The following TIAM1 variants were observed in gnomAD, a reference collection of about 807,000 sequenced individuals.
TIAM1 encodes TIAM Rac1 associated GEF 1, also known as rho guanine nucleotide exchange factor TIAM1.
In TIAM1, 65 loss-of-function variants were observed where a neutral mutation model predicts 163.5. The observed-to-expected ratio is 0.40, with a 90% CI of 0.33 to 0.49. The LOEUF is 0.49. Ranked by LOEUF, TIAM1 falls within the 20% of genes least tolerant of loss-of-function variation. The pLI, the probability that TIAM1 is intolerant of heterozygous loss-of-function variation, is 0.77. For synonymous variants in TIAM1, 833 were observed against 810.1 expected (o/e 1.03, Z -0.48); for missense variants, 1,789 against 2,044.7 (o/e 0.87, Z 2.41).
In TIAM1 at chr21:31,219,024, CTTTTT is replaced by C. The variant is rs35555743; in HGVS notation, c.1996-1330_1996-1326del. ...TGCCAGCAACCCAGAGAAGCATTTC[CTTTTT>C]TTTTTTTTTTTTTTTTTTTTTTGAC... On this transcript the variant is annotated intron_variant, in intron 8 of 27. Coordinates refer to ENST00000541036, the MANE Select transcript of TIAM1 (RefSeq NM_001353694.2). 4.7e-3 allele frequency among the ~76,000 whole-genome samples: 417 copies of C among 88,478 alleles called. 1 individual carries two copies. Among genetic ancestry groups the C allele is most frequent in the African/African-American group, 0.015 (399 of 26,040 alleles). 58.0% of individuals were successfully genotyped at this position (88,478 alleles called of 152,430 possible). A position where few individuals can be genotyped will look rare whatever the true frequency, so the allele number is the denominator to read the frequency against.
At chr21:31,230,282 T>C (rs761130357) in intron 6 of TIAM1, among the ~76,000 whole-genome samples, 2 of 151,898 alleles carry the variant, frequency 1.3e-5, no homozygotes, top group Admixed American at 6.6e-5. Flanking sequence ...AGAATTTAAA[T>C]AAAAATATTT....
Position 31,127,120 on chromosome 21 carries a change from G to A in TIAM1, c.4078C>T (p.His1360Tyr), listed in dbSNP as rs751049597. 4 of 1,613,916 alleles carry A rather than the reference G, an allele frequency of 2.5e-6. No individual in the cohort carries two copies. The African/African-American group carries it at 5.3e-5, about 22-fold the overall frequency. ...AEANAVCEIV[H>Y]VKSESEGRPE... The stretch of plus-strand genomic sequence containing the variant: ...CTCCCTTCAGACTCGGATTTTACAT[G>A]GACAATTTCACACACGGCATTTGCC... The change falls in exon 26 of 28, where the codon CAT becomes TAT. Residue 1360 changes from histidine to tyrosine, a missense_variant. Coordinates refer to ENST00000541036, the MANE Select transcript of TIAM1 (RefSeq NM_001353694.2).
At chr21:31,551,641 G>A (rs1218280963) in intron 1 of TIAM1, among the ~76,000 whole-genome samples, 1 of 152,164 alleles carries the variant, frequency 6.6e-6, no homozygotes, top group Non-Finnish European at 1.5e-5. Context: ...TACTCCAAAG[G>A]CTGAGGCAGG....
chr21:31,364,505 A>G (rs754752475), intron 2 of TIAM1, among the ~76,000 whole-genome samples: 15 of 152,194 alleles, frequency 9.9e-5, no homozygotes, highest in Non-Finnish European at 1.6e-4. Context: ...GGAGAAGGTT[A>G]TATTTGAGCA....
chr21:31,232,056 C>A (rs1045241020), intron 6 of TIAM1, among the ~76,000 whole-genome samples: 1 of 151,744 alleles, frequency 6.6e-6, no homozygotes, highest in African/African-American at 2.4e-5. Flanking sequence ...GATAGTTGCA[C>A]AACAGGGTAA....
rs1162841987 is a variant in TIAM1, at chr21:31,512,965, T to C, written c.-422+45962A>G. ...AGCCAAAGACAGTCTTTTCTAACCA[T>C]AGGGAAAACTATAATGTTCTAAAAT... is the stretch of plus-strand genomic sequence containing the variant. On this transcript the variant is annotated intron_variant, in intron 1 of 28. Coordinates refer to the TIAM1 transcript ENST00000286827. Among the ~76,000 whole-genome samples the C allele has an allele frequency of 3.9e-5, 6 of 152,100 alleles. No homozygotes were observed. In the South Asian group the frequency reaches 6.2e-4, roughly 16 times the overall value.
At chr21:31,130,119 A>G in intron 25 of TIAM1, 94 bp downstream of exon 25, 2 of 925,408 alleles carry the variant, frequency 2.2e-6, no homozygotes, top group South Asian at 1.8e-5. Flanking sequence ...AAAAGACGGT[A>G]GAAGAGTTAG....
At chr21:31,446,129 C>T (rs1244094704) in intron 2 of TIAM1, among the ~76,000 whole-genome samples, 1 of 151,888 alleles carries the variant, frequency 6.6e-6, no homozygotes, top group African/African-American at 2.4e-5. Flanking sequence ...GGGGTAGAGG[C>T]AGGGTTTCAC....
intron 4 of TIAM1, among the ~76,000 whole-genome samples, chr21:31,260,276 C>T (rs796277202): frequency 4.6e-4 from 69 of 148,948 alleles, no homozygotes; most frequent in African/African-American, 1.6e-3. Flanking sequence ...CTCACTCTGT[C>T]GCCCAGGCTG....
At chr21:31,143,177 T>C (rs980642279) in intron 20 of TIAM1, among the ~76,000 whole-genome samples, 1 of 152,144 alleles carries the variant, frequency 6.6e-6, no homozygotes, top group Non-Finnish European at 1.5e-5. Flanking sequence ...TGGCTATTCC[T>C]GAGCAGCATC....
At chr21:31,376,428 C>T (rs534929944) in intron 2 of TIAM1, among the ~76,000 whole-genome samples, 13 of 152,286 alleles carry the variant, frequency 8.5e-5, no homozygotes, top group Admixed American at 3.3e-4. Flanking sequence ...TTTCATGTTT[C>T]CACAGGGAAA....
chr21:31,155,043 CA>C (rs1410590763), intron 16 of TIAM1, among the ~76,000 whole-genome samples: 1 of 152,158 alleles, frequency 6.6e-6, no homozygotes, highest in Non-Finnish European at 1.5e-5. Context: ...TCTCCAAAGG[CA>C]AAAAGATACC....
intron 6 of TIAM1, among the ~76,000 whole-genome samples, chr21:31,242,793 GA>G (rs1318270145): frequency 1.3e-4 from 17 of 129,638 alleles, no homozygotes; most frequent in South Asian, 1.2e-3. Context: ...ACCTGTCTCA[GA>G]AAAGTCAGAT....
intron 1 of TIAM1, among the ~76,000 whole-genome samples, chr21:31,465,317 TC>T (rs933615343): frequency 6.6e-6 from 1 of 152,012 alleles, no homozygotes; most frequent in African/African-American, 2.4e-5. Context: ...AGTCTTGAAC[TC>T]CAAAGCTCAA....
At position 31,120,414 on chromosome 21, in the gene TIAM1, C is replaced by T; in HGVS notation, c.4730G>A (p.Arg1577Lys). The T allele has an allele frequency of 1.9e-6, 3 of 1,613,984 alleles. No individual in the cohort carries two copies. The highest frequency in any genetic ancestry group is 1.3e-5 in the African/African-American group (1 of 75,058). ...ESASEEVIWV[R>K]REDFAPSRKL... ...CCTGGAGGGGGCAAAGTCTTCACGC[C>T]TAACCCAAATGACTTCCTCGCTTGC... The change falls in exon 28 of 28, where the codon AGG becomes AAG. Residue 1577 changes from arginine to lysine, a missense_variant. By Grantham distance (26) the Arg-to-Lys change is conservative (BLOSUM62 2). Coordinates refer to ENST00000541036, the MANE Select transcript of TIAM1 (RefSeq NM_001353694.2). This position sits in a 1 kb window ranked among gnomAD's most constrained non-coding sequence, Gnocchi z 4.2.
At chr21:31,309,493 G>T (rs879437115) in intron 2 of TIAM1, among the ~76,000 whole-genome samples, 16 of 152,072 alleles carry the variant, frequency 1.1e-4, no homozygotes, top group Non-Finnish European at 1.6e-4. Flanking sequence ...AAAATAAAAC[G>T]AAACTCTTGC....
Position 31,130,870 on chromosome 21 carries a change from G to T in TIAM1, c.3942+20C>A. 1 of 1,609,638 alleles carries T rather than the reference G, an allele frequency of 6.2e-7. No individual in the cohort carries two copies. The highest frequency in any genetic ancestry group is 2.2e-5 in the East Asian group (1 of 44,852). The stretch of plus-strand genomic sequence containing the variant: ...ATAGAGAAATAGTTTCAAACCATGG[G>T]GTAACATAAGATGTCTTACAAGTTT... On this transcript the variant is annotated intron_variant, in intron 24 of 27. Transcript: ENST00000541036.
chr21:31,337,149 C>T (rs546746546), intron 2 of TIAM1, among the ~76,000 whole-genome samples: 19 of 152,150 alleles, frequency 1.2e-4, no homozygotes, highest in Admixed American at 5.2e-4. Context: ...GTCATGTATA[C>T]GTTTTTGATT....
intron 1 of TIAM1, among the ~76,000 whole-genome samples, chr21:31,478,031 G>A (rs189258601): frequency 3.9e-5 from 6 of 152,220 alleles, no homozygotes; most frequent in African/African-American, 1.4e-4. Flanking sequence ...ATGCGCACAG[G>A]TGATTAACCT....
Sources: allele counts gnomAD v4.1 joint callset (sites outside exome capture counted in the v4.1 genomes callset), GRCh38; gene constraint gnomAD v4.1.1; non-coding constraint Gnocchi (gnomAD v3.1); transcripts MANE v1.5; gene names NCBI Gene and HGNC (gene_info 2026-07-23, HGNC 2026-07-21).